BBX: variants seen among roughly 807,000 people sequenced by gnomAD.
BBX encodes the protein HMG box transcription factor BBX.
Under a neutral mutation model 100.2 loss-of-function variants are expected in BBX, and 30 were observed. The ratio of observed to expected loss-of-function variants is 0.30; its 90% confidence interval spans 0.22 to 0.41. The LOEUF (loss-of-function observed/expected upper bound fraction) is 0.41, where lower values mean the gene tolerates loss of function less well. Among genes scored for constraint, BBX ranks in the 10% least tolerant of loss-of-function variants. The pLI, the probability that BBX is intolerant of heterozygous loss-of-function variation, is 1.00. For missense variants in BBX, 1,023 were observed against 1,129.8 expected, an observed-to-expected ratio of 0.91 and a Z score of 1.35; for synonymous variants, 376 against 388.1, an observed-to-expected ratio of 0.97 and a Z score of 0.37.
At chr3:107,753,543 C>G (rs560036963) in intron 9 of BBX, among the ~76,000 whole-genome samples, 2 of 152,330 alleles carry the variant, frequency 1.3e-5, no homozygotes, top group African/African-American at 4.8e-5. Flanking sequence ...ATTCTCAAGC[C>G]TCCTCTCTGA....
At chr3:107,729,597 C>T (rs1398601512) in intron 6 of BBX, among the ~76,000 whole-genome samples, 1 of 152,180 alleles carries the variant, frequency 6.6e-6, no homozygotes, top group African/African-American at 2.4e-5. Flanking sequence ...TACTTATATT[C>T]ACCCTACAAG....
intron 2 of BBX, among the ~76,000 whole-genome samples, chr3:107,605,082 G>A (rs539327395): frequency 6.6e-6 from 1 of 152,204 alleles, no homozygotes; most frequent in Non-Finnish European, 1.5e-5. Context: ...CAAAATACAT[G>A]ATAACCATTG....
chr3:107,795,600 C>A (rs1449756079), intron 15 of BBX, among the ~76,000 whole-genome samples: 1 of 149,788 alleles, frequency 6.7e-6, no homozygotes, highest in Non-Finnish European at 1.5e-5. Context: ...CTTATGAGAA[C>A]CTCCGACGTA....
chr3:107,524,630 A>C (rs1278774307), intron 1 of BBX: 1 of 122,846 alleles, frequency 8.1e-6, no homozygotes, highest in Non-Finnish European at 1.7e-5. Context: ...GGGGGGGGAG[A>C]GGGAGAGACA....
chr3:107,744,586 A>G, intron 7 of BBX, 44 bp from the exon 8 acceptor site: 5 of 1,466,732 alleles, frequency 3.4e-6, no homozygotes, highest in Non-Finnish European at 4.8e-6. Flanking sequence ...TACCTAACAC[A>G]GTAAATAGTA....
At chr3:107,727,378 T>C (rs909898677) in intron 5 of BBX, among the ~76,000 whole-genome samples, 1 of 152,150 alleles carries the variant, frequency 6.6e-6, no homozygotes, top group African/African-American at 2.4e-5. Context: ...ATGAATGCAC[T>C]GTGGTAGTGT....
At chr3:107,608,446 A>G (rs966573233) in intron 2 of BBX, among the ~76,000 whole-genome samples, 1 of 152,114 alleles carries the variant, frequency 6.6e-6, no homozygotes, top group Non-Finnish European at 1.5e-5. Flanking sequence ...TGCCAGCTCC[A>G]TGCTGTTTGG....
intron 2 of BBX, among the ~76,000 whole-genome samples, chr3:107,609,272 T>C (rs943633149): frequency 3.3e-5 from 5 of 152,208 alleles, no homozygotes; most frequent in Admixed American, 6.5e-5. Context: ...TAATGTGTTA[T>C]TGAATTAAGT....
intron 9 of BBX, among the ~76,000 whole-genome samples, chr3:107,750,840 C>T (rs2065025802): frequency 2.0e-5 from 3 of 152,216 alleles, no homozygotes; most frequent in African/African-American, 4.8e-5. Context: ...TTTCATAAAA[C>T]ACCATCACCT....
rs75659974 is a variant in BBX, at chr3:107,789,660, T to C, written c.2204-127T>C. On this transcript the variant is annotated intron_variant, in intron 13 of 17. Transcript: ENST00000325805. ...CAGTTAAGTAGGTGAAGATGCAAGA[T>C]GACATTTATTGAGATTCAATTTGCT... The C allele has an allele frequency of 8.1e-3, 5,116 of 630,168 alleles. 163 individuals carry two copies. Among genetic ancestry groups the C allele is most frequent in the African/African-American group, 0.075 (4,075 of 54,096 alleles). 39.0% of individuals were successfully genotyped at this position (630,168 alleles called of 1,614,324 possible).
At chr3:107,711,845 C>T (rs1355569111) in intron 4 of BBX, among the ~76,000 whole-genome samples, 1 of 151,822 alleles carries the variant, frequency 6.6e-6, no homozygotes, top group Non-Finnish European at 1.5e-5. Flanking sequence ...TCCTTCTTTC[C>T]TTTGGCCACC....
intron 6 of BBX, among the ~76,000 whole-genome samples, 160 bp downstream of exon 6, chr3:107,729,120 A>G (rs1038058142): frequency 5.3e-5 from 8 of 152,226 alleles, no homozygotes; most frequent in African/African-American, 1.9e-4. Flanking sequence ...TGATATATAT[A>G]GAATACAGGT....
intron 2 of BBX, among the ~76,000 whole-genome samples, chr3:107,556,156 A>G (rs1443072496): frequency 6.6e-6 from 1 of 152,094 alleles, no homozygotes; most frequent in African/African-American, 2.4e-5. Flanking sequence ...CTGATATTAT[A>G]TCACTCTTTG....
chr3:107,745,712 T>C (rs2064527109), intron 8 of BBX, among the ~76,000 whole-genome samples: 1 of 152,062 alleles, frequency 6.6e-6, no homozygotes, highest in Non-Finnish European at 1.5e-5. Flanking sequence ...CCTCAGCCCG[T>C]CAGAGTACTG....
At chr3:107,632,175 C>A (rs1354573501) in intron 2 of BBX, among the ~76,000 whole-genome samples, 1 of 152,078 alleles carries the variant, frequency 6.6e-6, no homozygotes, top group Non-Finnish European at 1.5e-5. Flanking sequence ...CTCCTGGGTT[C>A]AAGTGATTCT....
chr3:107,561,985 A>G (rs1414305097), intron 2 of BBX, among the ~76,000 whole-genome samples: 1 of 152,216 alleles, frequency 6.6e-6, no homozygotes, highest in Non-Finnish European at 1.5e-5. Flanking sequence ...TTGGGGATAC[A>G]TTGAGTTGTA....
At chr3:107,710,355 TA>T in intron 3 of BBX, 96 bp from the exon 4 acceptor site, 1 of 976,006 alleles carries the variant, frequency 1.0e-6, no homozygotes, top group Non-Finnish European at 1.5e-6. Flanking sequence ...TAAAGGGAGC[TA>T]AATAAACTAA....
chr3:107,651,434 T>C (rs1009766304), intron 3 of BBX, among the ~76,000 whole-genome samples: 1 of 152,172 alleles, frequency 6.6e-6, no homozygotes, highest in Admixed American at 6.5e-5. Flanking sequence ...ATTTATATGA[T>C]GGAGGAATTA....
intron 7 of BBX, among the ~76,000 whole-genome samples, chr3:107,742,074 A>C (rs1289772108): frequency 6.6e-6 from 1 of 152,126 alleles, no homozygotes; most frequent in Non-Finnish European, 1.5e-5. Flanking sequence ...CTTCTTAATA[A>C]ATGATATATT....
Sources: allele counts gnomAD v4.1 joint callset (sites outside exome capture counted in the v4.1 genomes callset), GRCh38; gene constraint gnomAD v4.1.1; transcripts MANE v1.5; gene names NCBI Gene and HGNC (gene_info 2026-07-23, HGNC 2026-07-21).